LEPR: variants seen among roughly 807,000 people sequenced by gnomAD.
LEPR encodes the protein OB receptor.
LEPR carries 56 observed loss-of-function variants against 114.7 expected under a neutral mutation model. The observed-to-expected ratio is 0.49, with a 90% CI of 0.39 to 0.61. The LOEUF (loss-of-function observed/expected upper bound fraction) is 0.61. Among genes scored for constraint, LEPR ranks in the 20% least tolerant of loss-of-function variants. The probability of loss-of-function intolerance (pLI) is 0.00; values close to 1 mark genes in which losing one functional copy is unlikely to be tolerated. For missense variants in LEPR, 1,202 were observed against 1,352.9 expected, an observed-to-expected ratio of 0.89 and a Z score of 1.75; for synonymous variants, 443 against 461.4, an observed-to-expected ratio of 0.96 and a Z score of 0.51.
Position 65,598,798 on chromosome 1 carries a change from A to G in LEPR, c.988A>G (p.Thr330Ala). 1.2e-6 allele frequency: 2 copies of G among 1,613,276 alleles called. No homozygotes were observed. Among genetic ancestry groups the G allele is most frequent in the Non-Finnish European group, 1.7e-6 (2 of 1,179,404 alleles). Residue 330 changes from threonine to alanine, a missense_variant, in exon 8 of 20, where the codon ACA (threonine) becomes GCA (alanine). Coordinates refer to ENST00000349533, the MANE Select transcript of LEPR (RefSeq NM_002303.6). ...SDWSTPRVFT[T>A]QDVIYFPPKI... ...CTGGAGTACTCCTCGTGTCTTTACC[A>G]CACAAGGTAGGTTATGTAATAGCCA...
intron 2 of LEPR, among the ~76,000 whole-genome samples, chr1:65,460,841 C>G (rs549502731): frequency 1.5e-4 from 23 of 150,934 alleles, no homozygotes; most frequent in African/African-American, 5.6e-4. Flanking sequence ...CACTCTGTCT[C>G]AAAACAAAAA....
chr1:65,479,165 T>C (rs1201552620), intron 2 of LEPR, among the ~76,000 whole-genome samples: 1 of 152,098 alleles, frequency 6.6e-6, no homozygotes, highest in Non-Finnish European at 1.5e-5. Flanking sequence ...ACACTGTAAT[T>C]TTACAAATGG....
At position 65,638,922 on chromosome 1, in the gene LEPR, A is replaced by G. The variant is rs1658795331; in HGVS notation, c.*1907A>G. 1 of 152,218 alleles carries G rather than the reference A, an allele frequency of 6.6e-6. No homozygotes were observed. Among genetic ancestry groups the G allele is most frequent in the Admixed American group, 6.5e-5 (1 of 15,274 alleles). The allele number at this position is 152,218 out of a possible 1,614,324, so 9.4% of individuals were successfully genotyped here. A position where few individuals can be genotyped will look rare whatever the true frequency, so the allele number is the denominator to read the frequency against. On this transcript the variant is annotated 3_prime_UTR_variant, in exon 20 of 20. Coordinates refer to ENST00000349533, the MANE Select transcript of LEPR (RefSeq NM_002303.6). ...CAGAAACAGATAAATTATTACATGT[A>G]TAAAAATTTTAGTAAAATTGACATT...
intron 2 of LEPR, among the ~76,000 whole-genome samples, chr1:65,488,520 G>C (rs979430720): frequency 2.0e-5 from 3 of 150,878 alleles, no homozygotes; most frequent in African/African-American, 7.3e-5. Flanking sequence ...TTTGAGACAG[G>C]GTTTTCTTAT....
intron 2 of LEPR, chr1:65,432,766 A>G (rs1362098781): frequency 1.3e-5 from 7 of 529,886 alleles, no homozygotes; most frequent in South Asian, 1.7e-4. Context: ...TAAATATAGG[A>G]ATAATTGAAT....
intron 5 of LEPR, among the ~76,000 whole-genome samples, chr1:65,578,880 A>T (rs150181005): frequency 6.6e-6 from 1 of 152,270 alleles, no homozygotes; most frequent in East Asian, 1.9e-4. Context: ...GCTGTAGTTA[A>T]TATTTATTAC....
At chr1:65,421,568 C>T (rs1049380219) in intron 1 of LEPR, 19 of 1,271,818 alleles carry the variant, frequency 1.5e-5, no homozygotes, top group African/African-American at 1.3e-4. Context: ...CCCCAGTTAA[C>T]ATCTGCTATA....
intron 5 of LEPR, among the ~76,000 whole-genome samples, chr1:65,582,910 C>G (rs186144802): frequency 7.9e-5 from 12 of 152,162 alleles, no homozygotes; most frequent in Admixed American, 7.9e-4. Flanking sequence ...TTAAAGAAAA[C>G]AAAGTTTTGA....
At chr1:65,540,810 G>A (rs1651138037) in intron 2 of LEPR, among the ~76,000 whole-genome samples, 1 of 152,058 alleles carries the variant, frequency 6.6e-6, no homozygotes, top group Non-Finnish European at 1.5e-5. Flanking sequence ...AGGTATCTCA[G>A]GAGGGAAAGA....
intron 1 of LEPR, 152 bp downstream of exon 1, chr1:65,420,892 C>T (rs1646233147): frequency 9.7e-6 from 10 of 1,036,222 alleles, no homozygotes; most frequent in Non-Finnish European, 1.4e-5. Flanking sequence ...CCGCTCCCTT[C>T]GTCCCTTGGG....
At chr1:65,586,238 G>A (rs1225126804) in intron 5 of LEPR, among the ~76,000 whole-genome samples, 1 of 148,252 alleles carries the variant, frequency 6.7e-6, no homozygotes, top group African/African-American at 2.5e-5. Context: ...TACCTGTAAA[G>A]TAGATGATGT....
intron 2 of LEPR, among the ~76,000 whole-genome samples, chr1:65,464,239 G>A (rs757731798): frequency 6.6e-5 from 10 of 152,010 alleles, no homozygotes; most frequent in Non-Finnish European, 1.2e-4. Flanking sequence ...CATGAAGGGC[G>A]GTTGAATTTT....
At chr1:65,610,675 C>T (rs11208687) in intron 14 of LEPR, among the ~76,000 whole-genome samples, 31,617 of 152,074 alleles carry the variant, frequency 0.21, 4,449 homozygotes, top group East Asian at 0.77. Flanking sequence ...TCACCTTCCC[C>T]GCACACCCCA....
chr1:65,608,957 TAA>T (rs1209726031), intron 12 of LEPR, 56 bp downstream of exon 12: 2 of 1,600,056 alleles, frequency 1.2e-6, no homozygotes, highest in African/African-American at 2.7e-5. Context: ...TTATAATATG[TAA>T]GAGTTTAATT....
chr1:65,616,225 G>A lies in LEPR; in HGVS notation c.2212+1G>A. ...ACCTTTTCATGGCCTATGAGCAAAG[G>A]TAAGAAGAGGTACAGAGTGGTAATC... On this transcript the variant is annotated splice_donor_variant, in intron 15 of 19. Coordinates refer to ENST00000349533, the MANE Select transcript of LEPR (RefSeq NM_002303.6). LOFTEE classifies it high-confidence loss of function. 6.2e-7 allele frequency: 1 copy of A among 1,613,550 alleles called. No homozygotes were observed. The highest frequency in any genetic ancestry group is 1.1e-5 in the South Asian group (1 of 91,036).
At chr1:65,602,311 A>C (rs1435110139) in intron 10 of LEPR, among the ~76,000 whole-genome samples, 1 of 152,054 alleles carries the variant, frequency 6.6e-6, no homozygotes, top group Non-Finnish European at 1.5e-5. Flanking sequence ...AGATTATAAA[A>C]GTTTCGTATC....
intron 2 of LEPR, among the ~76,000 whole-genome samples, chr1:65,453,292 T>C (rs1374776313): frequency 6.6e-6 from 1 of 152,158 alleles, no homozygotes; most frequent in African/African-American, 2.4e-5. Context: ...AGTTCTGCTC[T>C]GATTTTAGTT....
At chr1:65,468,113 T>A (rs1266858594) in intron 2 of LEPR, among the ~76,000 whole-genome samples, 1 of 152,166 alleles carries the variant, frequency 6.6e-6, no homozygotes, top group Non-Finnish European at 1.5e-5. Flanking sequence ...ATCACCTGTC[T>A]TCTGCATTGA....
intron 2 of LEPR, among the ~76,000 whole-genome samples, chr1:65,550,623 G>A (rs914604853): frequency 2.6e-5 from 4 of 152,208 alleles, no homozygotes; most frequent in Non-Finnish European, 4.4e-5. Context: ...TCCGAACCAA[G>A]TGCGGGCTAT....
Sources: gnomAD v4.1 joint callset for allele counts (sites outside exome capture counted in the v4.1 genomes callset) on GRCh38, gnomAD v4.1.1 for gene constraint, MANE v1.5 for transcripts, NCBI Gene and HGNC (gene_info 2026-07-23, HGNC 2026-07-21) for gene names.